Variants in APPBP2 observed in about 807,000 individuals in gnomAD.
APPBP2 encodes the protein amyloid beta precursor protein binding protein 2.
In APPBP2, 15 loss-of-function variants were observed where a neutral mutation model predicts 76.0. The ratio of observed to expected loss-of-function variants is 0.20; its 90% CI spans 0.13 to 0.30. The LOEUF (loss-of-function observed/expected upper bound fraction) is 0.30, where lower values mean the gene tolerates loss of function less well. Ranked by LOEUF, APPBP2 falls within the 10% of genes least tolerant of loss-of-function variation. APPBP2 has a pLI of 1.00. For synonymous variants in APPBP2, 222 were observed against 242.2 expected (o/e 0.92, Z 0.77); for missense variants, 401 against 687.2 (o/e 0.58, Z 4.66).
At chr17:60,505,690 T>TTTTTTTTTG (rs1567938609) in intron 1 of APPBP2, among the ~76,000 whole-genome samples, 15 of 142,058 alleles carry the variant, frequency 1.1e-4, no homozygotes, top group African/African-American at 3.8e-4. Context: ...TTTTTTTTTT[T>TTTTTTTTTG]TTTTTTTTTT....
chr17:60,505,872 T>C (rs1030268063), intron 1 of APPBP2, among the ~76,000 whole-genome samples: 1 of 150,978 alleles, frequency 6.6e-6, no homozygotes, highest in South Asian at 2.1e-4. Context: ...TTAGCAGAGA[T>C]GGGGCTTCAC....
intron 5 of APPBP2, among the ~76,000 whole-genome samples, chr17:60,465,827 T>A (rs1372575996): frequency 1.3e-5 from 2 of 152,126 alleles, no homozygotes; most frequent in Non-Finnish European, 2.9e-5. Context: ...TCACAAACAC[T>A]CCTTTTGCCT....
At chr17:60,520,622 A>G (rs999910174) in intron 1 of APPBP2, among the ~76,000 whole-genome samples, 9 of 152,008 alleles carry the variant, frequency 5.9e-5, no homozygotes, top group African/African-American at 2.2e-4. Context: ...CATAGAACAC[A>G]CTGCTGAAAC....
At chr17:60,478,552 G>A (rs187632889) in intron 4 of APPBP2, among the ~76,000 whole-genome samples, 1 of 152,250 alleles carries the variant, frequency 6.6e-6, no homozygotes, top group African/African-American at 2.4e-5. Flanking sequence ...ACAGTTCCTA[G>A]TACACAAGCA....
intron 4 of APPBP2, among the ~76,000 whole-genome samples, chr17:60,474,890 A>G (rs1389622420): frequency 6.6e-5 from 10 of 152,264 alleles, no homozygotes; most frequent in African/African-American, 2.2e-4. Flanking sequence ...GGGATTTGTT[A>G]TTATTAATTT....
At chr17:60,473,823 T>C (rs546936759) in intron 4 of APPBP2, among the ~76,000 whole-genome samples, 2 of 152,238 alleles carry the variant, frequency 1.3e-5, no homozygotes, top group Non-Finnish European at 2.9e-5. Flanking sequence ...CCATAGTTAT[T>C]TGAGTCATCT....
chr17:60,454,585 A>T, intron 10 of APPBP2, 93 bp from the exon 11 acceptor site: 1 of 766,016 alleles, frequency 1.3e-6, no homozygotes, highest in Non-Finnish European at 2.0e-6. Flanking sequence ...ATAAATGTTT[A>T]CTGAATATAT....
At chr17:60,479,698 T>TAA (rs1192792160) in intron 3 of APPBP2, among the ~76,000 whole-genome samples, 3 of 152,220 alleles carry the variant, frequency 2.0e-5, no homozygotes, top group Non-Finnish European at 4.4e-5. Flanking sequence ...CTGTGATCCT[T>TAA]AATCGATTAT....
At chr17:60,510,539 T>C (rs1004253800) in intron 1 of APPBP2, among the ~76,000 whole-genome samples, 4 of 150,218 alleles carry the variant, frequency 2.7e-5, no homozygotes, top group Non-Finnish European at 4.4e-5. Flanking sequence ...CTGGACAACA[T>C]AGGGAGACCC....
At chr17:60,500,306 C>T (rs1442213819) in intron 2 of APPBP2, 93 bp downstream of exon 2, 20 of 878,882 alleles carry the variant, frequency 2.3e-5, no homozygotes, top group Non-Finnish European at 3.2e-5. Flanking sequence ...AGCACCCAGC[C>T]CACAATGTGA....
chr17:60,460,565 G>C, intron 9 of APPBP2, 98 bp downstream of exon 9: 1 of 1,219,676 alleles, frequency 8.2e-7, no homozygotes, highest in Non-Finnish European at 1.1e-6. Flanking sequence ...AGTATATCAA[G>C]TACTATTATT....
At chr17:60,487,576 T>C (rs2090690706) in intron 3 of APPBP2, among the ~76,000 whole-genome samples, 1 of 152,216 alleles carries the variant, frequency 6.6e-6, no homozygotes, top group African/African-American at 2.4e-5. Flanking sequence ...ACACTGTTTA[T>C]TCTAGTTAGC....
At chr17:60,503,013 C>CT (rs773905454) in intron 1 of APPBP2, among the ~76,000 whole-genome samples, 1,654 of 126,420 alleles carry the variant, frequency 0.013, 153 homozygotes, top group African/African-American at 0.035. Context: ...TTTAAATTTT[C>CT]TTTTTTTTTT....
chr17:60,469,622 G>A (rs576141118), intron 4 of APPBP2, among the ~76,000 whole-genome samples: 4 of 152,094 alleles, frequency 2.6e-5, no homozygotes, highest in Non-Finnish European at 4.4e-5. Context: ...CATATTTCAT[G>A]TAAGTGGAAC....
At chr17:60,473,334 T>C (rs1160234531) in intron 4 of APPBP2, among the ~76,000 whole-genome samples, 1 of 152,166 alleles carries the variant, frequency 6.6e-6, no homozygotes, top group Non-Finnish European at 1.5e-5. Context: ...CTCTACCCAC[T>C]AAGATGAGAA....
intron 1 of APPBP2, among the ~76,000 whole-genome samples, chr17:60,507,649 C>A (rs1276355784): frequency 6.6e-6 from 1 of 152,092 alleles, no homozygotes; most frequent in Non-Finnish European, 1.5e-5. Context: ...ATTAGGGAAT[C>A]AATTATTTAG....
At chr17:60,451,294 A>G (rs931162148) in intron 12 of APPBP2, among the ~76,000 whole-genome samples, 1 of 152,170 alleles carries the variant, frequency 6.6e-6, no homozygotes, top group Non-Finnish European at 1.5e-5. Flanking sequence ...ATAGTTTAAA[A>G]TAACTACTTT....
chr17:60,457,778 G>T (rs2090442517), intron 9 of APPBP2, among the ~76,000 whole-genome samples: 2 of 152,116 alleles, frequency 1.3e-5, no homozygotes, highest in African/African-American at 2.4e-5. Context: ...CTAGCCATTT[G>T]TTTTATTTTT....
At chr17:60,481,401 G>A (rs984709588) in intron 3 of APPBP2, among the ~76,000 whole-genome samples, 1 of 151,988 alleles carries the variant, frequency 6.6e-6, no homozygotes, top group African/African-American at 2.4e-5. Context: ...GACCAGCCTG[G>A]GTAACACAGT....
Sources: gnomAD v4.1 joint callset for allele counts (sites outside exome capture counted in the v4.1 genomes callset) on GRCh38, gnomAD v4.1.1 for gene constraint, MANE v1.5 for transcripts, NCBI Gene and HGNC (gene_info 2026-07-23, HGNC 2026-07-21) for gene names.